The following C3orf52 variants were observed in gnomAD, a reference collection of about 807,000 sequenced individuals.
C3orf52 encodes the protein TPA-induced transmembrane protein.
C3orf52 carries 22 observed loss-of-function variants against 24.8 expected under a neutral mutation model. The observed-to-expected ratio is 0.89, with a 90% CI of 0.63 to 1.27. The LOEUF is 1.27. Ranked by LOEUF, C3orf52 falls within the 50% of genes most tolerant of loss-of-function variation. The probability of loss-of-function intolerance (pLI) is 0.00; values close to 1 mark genes in which losing one functional copy is unlikely to be tolerated. For missense variants in C3orf52, 265 were observed against 260.7 expected, an observed-to-expected ratio of 1.02 and a Z score of -0.11; for synonymous variants, 93 against 100.2, an observed-to-expected ratio of 0.93 and a Z score of 0.43.
chr3:112,113,153 G>T lies in C3orf52; in HGVS notation c.649+8G>T. On this transcript the variant is annotated splice_region_variant and intron_variant, in intron 5 of 5. Coordinates refer to ENST00000264848, the MANE Select transcript of C3orf52 (RefSeq NM_024616.3). ...CATCCCTCTTGCTCTATGGTAAGTA[G>T]AGCAAGTAAAGAAGTCAGAGTTGTG... 1 of 1,584,268 alleles carries T rather than the reference G, an allele frequency of 6.3e-7. No homozygotes were observed. Among genetic ancestry groups the T allele is most frequent in the Non-Finnish European group, 8.6e-7 (1 of 1,166,532 alleles).
At chr3:112,098,940 T>G (rs1437986139) in intron 2 of C3orf52, among the ~76,000 whole-genome samples, 1 of 152,138 alleles carries the variant, frequency 6.6e-6, no homozygotes, top group Non-Finnish European at 1.5e-5. Flanking sequence ...TGCCCAAATC[T>G]CATGTTGAAT....
At chr3:112,101,663 G>GT (rs1344259584) in intron 2 of C3orf52, among the ~76,000 whole-genome samples, 1 of 152,192 alleles carries the variant, frequency 6.6e-6, no homozygotes, top group African/African-American at 2.4e-5. Context: ...GTAATGCCTC[G>GT]TATTTCCAGA....
At chr3:112,120,656 C>G (rs1040192619), downstream of C3orf52, among the ~76,000 whole-genome samples, 1 of 152,086 alleles carries the variant, frequency 6.6e-6, no homozygotes, top group African/African-American at 2.4e-5. Context: ...TGCTCAGGCT[C>G]AGGTTCTTTA....
At chr3:112,133,525 C>T, downstream of C3orf52, 1 of 185,364 alleles carries the variant, frequency 5.4e-6, no homozygotes, top group Non-Finnish European at 1.1e-5. Flanking sequence ...AGTCAAGCCA[C>T]AGACCTGTAG....
chr3:112,088,460 G>A (rs1015122605), intron 1 of C3orf52, among the ~76,000 whole-genome samples: 3 of 152,152 alleles, frequency 2.0e-5, no homozygotes, highest in Admixed American at 2.0e-4. Flanking sequence ...AAATACTTTT[G>A]ATGCATAAAT....
rs150086934 is a variant in C3orf52 at position 112,110,465 on chromosome 3, G to C, written c.467+852G>C. Among the ~76,000 whole-genome samples the C allele has an allele frequency of 2.8e-3, 424 of 152,268 alleles. 1 individual carries two copies. The highest frequency in any genetic ancestry group is 3.9e-3 in the Non-Finnish European group (264 of 68,026). The stretch of plus-strand genomic sequence containing the variant: ...ATTCCCTTCCATGGAGGTAATAGCT[G>C]TCAAGAGTTGAGTGTAATTACTTCT... On this transcript the variant is annotated intron_variant, in intron 4 of 5. Coordinates refer to ENST00000264848, the MANE Select transcript of C3orf52 (RefSeq NM_024616.3).
chr3:112,132,938 C>A (rs1213343677), downstream of C3orf52: 3 of 711,076 alleles, frequency 4.2e-6, no homozygotes, highest in Non-Finnish European at 7.0e-6. Flanking sequence ...TGGTATCTGG[C>A]ACAGAGTAGG....
chr3:112,106,838 A>G (rs1428021329), intron 3 of C3orf52, among the ~76,000 whole-genome samples: 2 of 152,160 alleles, frequency 1.3e-5, no homozygotes, highest in African/African-American at 4.8e-5. Flanking sequence ...TTAGGAGTTA[A>G]TGATGGCACC....
At chr3:112,129,775 G>C (rs964654701), downstream of C3orf52, 4 of 152,182 alleles carry the variant, frequency 2.6e-5, no homozygotes, top group African/African-American at 7.2e-5. Context: ...TAACAACAGT[G>C]CTTGTTTTTT....
intron 1 of C3orf52, among the ~76,000 whole-genome samples, chr3:112,091,093 A>G (rs758468529): frequency 6.6e-6 from 1 of 152,128 alleles, no homozygotes; most frequent in Non-Finnish European, 1.5e-5. Flanking sequence ...CTCCCCTCGC[A>G]CCTCTGACAG....
At chr3:112,125,339 T>A in intron 4 of C3orf52, 1 of 943,070 alleles carries the variant, frequency 1.1e-6, no homozygotes. Context: ...TATAAATAAC[T>A]AAAAAGCCAA....
chr3:112,101,652 C>T (rs891701567), intron 2 of C3orf52, among the ~76,000 whole-genome samples: 5 of 152,202 alleles, frequency 3.3e-5, no homozygotes, highest in African/African-American at 7.2e-5. Context: ...ATTCCTTGCT[C>T]GTAATGCCTC....
At position 112,086,550 on chromosome 3, in the gene C3orf52, G is replaced by T; in HGVS notation, c.138+5G>T. 1.3e-6 allele frequency: 2 copies of T among 1,550,162 alleles called. No individual in the cohort carries two copies. The highest frequency in any genetic ancestry group is 1.7e-6 in the Non-Finnish European group (2 of 1,146,368). ...GAGGAGGTCCCCCCGGCCGAGGTAA[G>T]GTCCCCTTGGCGCTGGCCCTAACTT... On this transcript the variant is annotated splice_donor_5th_base_variant and intron_variant, in intron 1 of 5. Coordinates refer to ENST00000264848, the MANE Select transcript of C3orf52 (RefSeq NM_024616.3).
At chr3:112,116,565 A>C (rs2074134941) in intron 5 of C3orf52, 77 bp from the exon 6 acceptor site, 1 of 1,277,418 alleles carries the variant, frequency 7.8e-7, no homozygotes, top group African/African-American at 1.5e-5. Flanking sequence ...AAATTCAATG[A>C]AATGAAATGA....
At chr3:112,098,122 C>A (rs2073940945) in intron 2 of C3orf52, among the ~76,000 whole-genome samples, 1 of 152,226 alleles carries the variant, frequency 6.6e-6, no homozygotes, top group African/African-American at 2.4e-5. Context: ...CACTGGCACA[C>A]TTCCAGAAAG....
intron 2 of C3orf52, among the ~76,000 whole-genome samples, chr3:112,097,584 A>G (rs1431536908): frequency 1.3e-5 from 2 of 152,184 alleles, no homozygotes; most frequent in Admixed American, 6.5e-5. Flanking sequence ...GCAGACTGAC[A>G]GTTTTCACAG....
downstream of C3orf52, chr3:112,134,345 T>A (rs1381470577): frequency 2.0e-5 from 3 of 152,188 alleles, no homozygotes; most frequent in Non-Finnish European, 4.4e-5. Flanking sequence ...GGTTAACACT[T>A]AGCTGTCCAC....
downstream of C3orf52, chr3:112,122,644 G>A (rs1431777235): frequency 2.0e-5 from 3 of 152,008 alleles, no homozygotes; most frequent in Admixed American, 1.3e-4. Flanking sequence ...GCATACTGGG[G>A]GAGCACTAAA....
chr3:112,109,732 A>T (rs1357444484), intron 4 of C3orf52, 119 bp downstream of exon 4: 2 of 621,446 alleles, frequency 3.2e-6, no homozygotes, highest in African/African-American at 3.7e-5. Flanking sequence ...GGGAACCTGT[A>T]ATAGAATCAC....
Sources: gnomAD v4.1 joint callset for allele counts (sites outside exome capture counted in the v4.1 genomes callset) on GRCh38, gnomAD v4.1.1 for gene constraint, MANE v1.5 for transcripts, NCBI Gene and HGNC (gene_info 2026-07-23, HGNC 2026-07-21) for gene names.